The following OR51B5 variants were observed in gnomAD, a reference collection of about 807,000 sequenced individuals.
The protein encoded by OR51B5 is olfactory receptor 51B5.
For synonymous variants in OR51B5, 186 were observed against 144.8 expected, an observed-to-expected ratio of 1.28 and a Z score of -2.04; for missense variants, 456 against 374.6, an observed-to-expected ratio of 1.22 and a Z score of -1.79.
chr11:5,352,971 G>T (rs1849125512), intron 1 of OR51B5, among the ~76,000 whole-genome samples: 1 of 150,634 alleles, frequency 6.6e-6, no homozygotes, highest in East Asian at 1.9e-4. Context: ...TTCAGTCAAT[G>T]CCCATTGCTC....
At chr11:5,362,136 G>T (rs1033933368) in intron 1 of OR51B5, among the ~76,000 whole-genome samples, 1 of 152,224 alleles carries the variant, frequency 6.6e-6, no homozygotes, top group African/African-American at 2.4e-5. Flanking sequence ...GAGAGAGCTT[G>T]TTGGTTCACT....
chr11:5,459,281 C>A (rs571769139), intron 1 of OR51B5, among the ~76,000 whole-genome samples: 7 of 152,098 alleles, frequency 4.6e-5, no homozygotes, highest in Admixed American at 1.3e-4. Flanking sequence ...GTTGAACCAG[C>A]CTTGCATCCC....
intron 1 of OR51B5, among the ~76,000 whole-genome samples, chr11:5,394,933 T>C (rs977662738): frequency 2.0e-5 from 3 of 152,170 alleles, no homozygotes; most frequent in African/African-American, 4.8e-5. Flanking sequence ...GTAAAGACTG[T>C]CTCAAGGGGA....
chr11:5,484,994 A>G (rs989976954), intron 1 of OR51B5, among the ~76,000 whole-genome samples: 1 of 152,232 alleles, frequency 6.6e-6, no homozygotes, highest in Non-Finnish European at 1.5e-5. Flanking sequence ...AACTGGCATT[A>G]TACAGATTGG....
At chr11:5,364,195 T>A (rs1184988748) in intron 1 of OR51B5, among the ~76,000 whole-genome samples, 1 of 152,200 alleles carries the variant, frequency 6.6e-6, no homozygotes, top group Non-Finnish European at 1.5e-5. Flanking sequence ...TTTTCCTAAA[T>A]TTTGACAAAC....
chr11:5,403,057 A>G, intron 1 of OR51B5: 1 of 471,656 alleles, frequency 2.1e-6, no homozygotes, highest in Admixed American at 2.3e-5. Flanking sequence ...TATCGTACTG[A>G]AAAGCATTAT....
intron 1 of OR51B5, among the ~76,000 whole-genome samples, chr11:5,409,437 G>A (rs1423555544): frequency 1.3e-5 from 2 of 151,978 alleles, no homozygotes; most frequent in African/African-American, 4.8e-5. Context: ...GGAAAAAGCT[G>A]ATGAAATAAT....
At chr11:5,372,621 C>G (rs1849463548) in intron 1 of OR51B5, among the ~76,000 whole-genome samples, 1 of 152,084 alleles carries the variant, frequency 6.6e-6, no homozygotes, top group African/African-American at 2.4e-5. Flanking sequence ...TATATTTTTT[C>G]ATATTTAGTT....
rs546297446 is a variant in OR51B5, at chr11:5,414,247, C to T, written n.85-67337G>A. Among the ~76,000 whole-genome samples the T allele has an allele frequency of 1.6e-4, 25 of 151,562 alleles. 1 individual carries two copies. In the South Asian group the frequency reaches 3.2e-3, roughly 19 times the overall value. On this transcript the variant is annotated intron_variant and non_coding_transcript_variant, in intron 1 of 4. Coordinates refer to the OR51B5 transcript ENST00000415970. The stretch of plus-strand genomic sequence containing the variant: ...AAGCAAATGCTGAGAGATTTTGTCA[C>T]CACCAGGTCTGCCCTAGAAGAGCTC...
chr11:5,348,187 T>C (rs1184499117), upstream of OR51B5, among the ~76,000 whole-genome samples: 1 of 152,138 alleles, frequency 6.6e-6, no homozygotes, highest in African/African-American at 2.4e-5. Flanking sequence ...TCTTTGAGAG[T>C]TACCTCTTCA....
intron 1 of OR51B5, chr11:5,402,600 A>G (rs1161392685): frequency 2.1e-6 from 1 of 469,012 alleles, no homozygotes; most frequent in Non-Finnish European, 4.4e-6. Flanking sequence ...TGTCAACATG[A>G]AAATTTCTAA....
At chr11:5,445,892 C>T (rs1316961230) in intron 1 of OR51B5, among the ~76,000 whole-genome samples, 1 of 151,924 alleles carries the variant, frequency 6.6e-6, no homozygotes. Context: ...AAGATGGATA[C>T]ATCAGAAGAT....
chr11:5,343,825 T>TG (rs1258029886), upstream of OR51B5, among the ~76,000 whole-genome samples: 8 of 152,352 alleles, frequency 5.3e-5, no homozygotes, highest in African/African-American at 1.7e-4. Context: ...CTACAACTTC[T>TG]AAACTGTTAC....
chr11:5,368,087 G>C (rs943227238), intron 1 of OR51B5, among the ~76,000 whole-genome samples: 1 of 152,156 alleles, frequency 6.6e-6, no homozygotes, highest in African/African-American at 2.4e-5. Context: ...GGCTCACTCA[G>C]AACTCTCTTT....
At chr11:5,413,092 C>A (rs1850176834) in intron 1 of OR51B5, among the ~76,000 whole-genome samples, 1 of 152,202 alleles carries the variant, frequency 6.6e-6, no homozygotes, top group Non-Finnish European at 1.5e-5. Flanking sequence ...ACAAAACTTC[C>A]AGAGGAACGA....
intron 1 of OR51B5, among the ~76,000 whole-genome samples, chr11:5,488,151 G>A (rs454189): frequency 0.96 from 146,249 of 152,228 alleles, 70,286 homozygotes; most frequent in South Asian, 0.99. Context: ...TAGAGGTTAC[G>A]GTTGCATAAA....
chr11:5,476,985 T>C (rs1445470375), intron 1 of OR51B5, among the ~76,000 whole-genome samples: 1 of 152,220 alleles, frequency 6.6e-6, no homozygotes, highest in Non-Finnish European at 1.5e-5. Flanking sequence ...AAAGATCTAC[T>C]GTACAAAATA....
intron 1 of OR51B5, among the ~76,000 whole-genome samples, chr11:5,429,221 G>A (rs996403672): frequency 6.3e-5 from 9 of 142,866 alleles, no homozygotes; most frequent in Admixed American, 4.9e-4. Flanking sequence ...AAAAACCCCA[G>A]CCTTTGAGAG....
intron 1 of OR51B5, among the ~76,000 whole-genome samples, chr11:5,474,401 C>T (rs1851273235): frequency 6.6e-6 from 1 of 152,210 alleles, no homozygotes; most frequent in South Asian, 2.1e-4. Flanking sequence ...TGAAGGACAA[C>T]AATAATCAAG....
Sources: allele counts gnomAD v4.1 joint callset (sites outside exome capture counted in the v4.1 genomes callset), GRCh38; gene constraint gnomAD v4.1.1; transcripts MANE v1.5; gene names NCBI Gene and HGNC (gene_info 2026-07-23, HGNC 2026-07-21).